The following TM9SF1 variants were observed in gnomAD, a reference collection of about 807,000 sequenced individuals.
TM9SF1 encodes the protein transmembrane 9 superfamily member 1, also known as MP70 protein family member.
TM9SF1 carries 25 observed loss-of-function variants against 52.4 expected under a neutral mutation model. The observed-to-expected ratio is 0.48, with a 90% CI of 0.35 to 0.67. The LOEUF (loss-of-function observed/expected upper bound fraction) is 0.67. Among genes scored for constraint, TM9SF1 ranks in the 30% least tolerant of loss-of-function variants. The probability of loss-of-function intolerance (pLI) is 0.01; values close to 1 mark genes in which losing one functional copy is unlikely to be tolerated. For synonymous variants in TM9SF1, 284 were observed against 299.8 expected, an observed-to-expected ratio of 0.95 and a Z score of 0.55; for missense variants, 604 against 780.3, an observed-to-expected ratio of 0.77 and a Z score of 2.69.
Position 24,192,112 on chromosome 14 carries a change from A to G in TM9SF1, c.1153+59T>C. The G allele has an allele frequency of 6.4e-7, 1 of 1,555,754 alleles. No individual in the cohort carries two copies. Among genetic ancestry groups the G allele is most frequent in the Non-Finnish European group, 8.9e-7 (1 of 1,128,032 alleles). Reference sequence around the variant, plus strand: ...CAGGTGTGAGCCACTGTGACCAGCCACAATGTGTTCTTCATTCCTAAGTCC... The same window carrying G: ...CAGGTGTGAGCCACTGTGACCAGCCGCAATGTGTTCTTCATTCCTAAGTCC... On this transcript the variant is annotated intron_variant, in intron 4 of 5. Transcript: ENST00000261789. The surrounding 1 kb of genome is among the most constrained non-coding windows in gnomAD (Gnocchi z 4.0).
Position 24,190,613 on chromosome 14 carries a change from A to G in TM9SF1, c.1194T>C (p.His398=), listed in dbSNP as rs1566648068. 1.9e-6 allele frequency: 3 copies of G among 1,614,078 alleles called. No individual in the cohort carries two copies. In the East Asian group the frequency reaches 6.7e-5, roughly 36 times the overall value. ...FLTWSVVNSV[H]WANGSTQALP... ...GAGCCTGTGTCGAACCATTGGCCCA[A>G]TGCACTGAGTTCACCACACTCCACG... The change falls in exon 5 of 6, where the codon CAT becomes CAC. Residue 398 remains histidine (H), a synonymous_variant. Transcript: ENST00000261789.
intron 4 of TM9SF1, among the ~76,000 whole-genome samples, 198 bp from the exon 5 acceptor site, chr14:24,190,851 G>GTTTT (rs150852398): frequency 4.6e-5 from 3 of 65,436 alleles, no homozygotes; most frequent in Non-Finnish European, 7.7e-5. Flanking sequence ...TTTGTTCTGT[G>GTTTT]TTTTTTTTTT....
In TM9SF1 at chr14:24,192,268, G is replaced by T; in HGVS notation, c.1056C>A (p.Thr352=). Residue 352 remains threonine (T), a synonymous_variant, in exon 4 of 6, where the codon ACC becomes ACA. Transcript: ENST00000261789. The surrounding 1 kb of genome is among the most constrained non-coding windows in gnomAD (Gnocchi z 4.0). The stretch of plus-strand genomic sequence containing the variant: ...TGGACACGTAGCCAGAGATGCAGCA[G>T]GTCAGGGCATACAACAAGATGGCTG... ...NSAAILLYAL[T]CCISGYVSSH... is the part of the protein sequence containing the mutation. 1 of 1,614,208 alleles carries T rather than the reference G, an allele frequency of 6.2e-7. No homozygotes were observed. The highest frequency in any genetic ancestry group is 8.5e-7 in the Non-Finnish European group (1 of 1,180,040).
chr14:24,194,777 T>C lies in TM9SF1; in HGVS notation c.243A>G (p.Glu81=), dbSNP rs1344599946. 6.2e-7 allele frequency: 1 copy of C among 1,614,236 alleles called. No homozygotes were observed. Among genetic ancestry groups the C allele is most frequent in the Non-Finnish European group, 8.5e-7 (1 of 1,180,036 alleles). ...CAGCCATTCGGTCCCCATCCAGCAC[T>C]TCACCCAGGCTAAGGCTTTTGTGAC... ...KIRHKSLSLG[E]VLDGDRMAES... The change falls in exon 2 of 6, where the codon GAA becomes GAG. Residue 81 remains glutamate (E), a synonymous_variant. Transcript: ENST00000261789.
At position 24,192,012 on chromosome 14, in the gene TM9SF1, A is replaced by G. The variant is rs2039329072; in HGVS notation, c.1153+159T>C. 1.4e-6 allele frequency: 1 copy of G among 709,376 alleles called. No homozygotes were observed. The highest frequency in any genetic ancestry group is 2.2e-5 in the Admixed American group (1 of 44,576). 43.9% of individuals were successfully genotyped at this position (709,376 alleles called of 1,614,324 possible). The stretch of plus-strand genomic sequence containing the variant: ...TTTGTTATAGAGAGAGGGTCTCACT[A>G]TGTTGTCTAGGCTTGTCTCAAACTT... On this transcript the variant is annotated intron_variant, in intron 4 of 5. Transcript: ENST00000261789. This position sits in a 1 kb window ranked among gnomAD's most constrained non-coding sequence, Gnocchi z 4.0.
Position 24,192,448 on chromosome 14 carries a change from G to C in TM9SF1, c.968-92C>G. 3 of 1,461,658 alleles carry C rather than the reference G, an allele frequency of 2.1e-6. No individual in the cohort carries two copies. Among genetic ancestry groups the C allele is most frequent in the Non-Finnish European group, 1.9e-6 (2 of 1,077,856 alleles). 90.5% of individuals were successfully genotyped at this position (1,461,658 alleles called of 1,614,324 possible). On this transcript the variant is annotated intron_variant, in intron 3 of 5. Coordinates refer to ENST00000261789, the MANE Select transcript of TM9SF1 (RefSeq NM_006405.7). This position sits in a 1 kb window ranked among gnomAD's most constrained non-coding sequence, Gnocchi z 4.0. ...ATCAGCCCCCCTTCTCCCAGACCCAGGGCCTCCAGCAAAACAATCTCCCCC... is the reference window on the plus strand; with the variant it reads ...ATCAGCCCCCCTTCTCCCAGACCCACGGCCTCCAGCAAAACAATCTCCCCC...
In TM9SF1 at chr14:24,192,467, C is replaced by T. The variant is rs2039336380; in HGVS notation, c.968-111G>A. ...GACCCAGGGCCTCCAGCAAAACAATCTCCCCCAGTTTTGCTATCCAGAAAA... is the reference window on the plus strand; with the variant it reads ...GACCCAGGGCCTCCAGCAAAACAATTTCCCCCAGTTTTGCTATCCAGAAAA... On this transcript the variant is annotated intron_variant, in intron 3 of 5. Coordinates refer to ENST00000261789, the MANE Select transcript of TM9SF1 (RefSeq NM_006405.7). This position sits in a 1 kb window ranked among gnomAD's most constrained non-coding sequence, Gnocchi z 4.0. 1 of 1,401,692 alleles carries T rather than the reference C, an allele frequency of 7.1e-7. No individual in the cohort carries two copies. The allele number at this position is 1,401,692 out of a possible 1,614,324, so 86.8% of individuals were successfully genotyped here.
At chr14:24,191,441 G>A (rs140134893) in intron 4 of TM9SF1, among the ~76,000 whole-genome samples, 4 of 152,336 alleles carry the variant, frequency 2.6e-5, no homozygotes, top group African/African-American at 9.6e-5. Context: ...CTTTGAAAGG[G>A]CAATCTGGTT....
chr14:24,190,993 G>A (rs2039315843), intron 4 of TM9SF1, among the ~76,000 whole-genome samples: 1 of 151,624 alleles, frequency 6.6e-6, no homozygotes, highest in African/African-American at 2.4e-5. Flanking sequence ...TCCCGAGTGA[G>A]TAGCTAGGAC....
At chr14:24,190,851 G>GTTTTTTT (rs150852398) in intron 4 of TM9SF1, among the ~76,000 whole-genome samples, 198 bp from the exon 5 acceptor site, 3 of 65,452 alleles carry the variant, frequency 4.6e-5, no homozygotes, top group Non-Finnish European at 7.7e-5. Context: ...TTTGTTCTGT[G>GTTTTTTT]TTTTTTTTTT....
intron 2 of TM9SF1, among the ~76,000 whole-genome samples, chr14:24,193,875 G>C (rs1456544256): frequency 6.6e-6 from 1 of 151,228 alleles, no homozygotes; most frequent in African/African-American, 2.4e-5. Flanking sequence ...AGCCGAGATT[G>C]CGCCACGGCA....
At chr14:24,189,933 C>CGAGTAAGGAGTAGCCGAAGA in intron 5 of TM9SF1, 125 bp from the exon 6 acceptor site, 1 of 1,426,542 alleles carries the variant, frequency 7.0e-7, no homozygotes. Flanking sequence ...GAGTTCACTC[C>CGAGTAAGGAGTAGCCGAAGA]ACTCTCTGCC....
At chr14:24,190,177 C>A in intron 5 of TM9SF1, 1 of 1,379,310 alleles carries the variant, frequency 7.3e-7, no homozygotes, top group Non-Finnish European at 9.3e-7. Flanking sequence ...GGGGAAATGT[C>A]TCCGGAGAGC....
intron 2 of TM9SF1, among the ~76,000 whole-genome samples, chr14:24,194,177 C>CA (rs1566650223): frequency 6.6e-6 from 1 of 151,964 alleles, no homozygotes; most frequent in Non-Finnish European, 1.5e-5. Flanking sequence ...TGAGATTCTC[C>CA]AAAAAAGAGC....
chr14:24,191,292 G>T (rs72694304), intron 4 of TM9SF1, among the ~76,000 whole-genome samples: 8,731 of 152,282 alleles, frequency 0.057, 498 homozygotes, highest in East Asian at 0.35. Context: ...CTTGGAGTTG[G>T]TAATTCCTAG....
At chr14:24,190,025 G>A (rs2039293135) in intron 5 of TM9SF1, 6 of 1,368,508 alleles carry the variant, frequency 4.4e-6, no homozygotes, top group Admixed American at 3.2e-5. Flanking sequence ...ATAGATTGAG[G>A]GCAGGGATCT....
chr14:24,190,987 G>A (rs1259669888), intron 4 of TM9SF1, among the ~76,000 whole-genome samples: 1 of 150,006 alleles, frequency 6.7e-6, no homozygotes, highest in East Asian at 2.0e-4. Flanking sequence ...TCAGCCTCCC[G>A]AGTGAGTAGC....
At chr14:24,195,155 C>G in intron 1 of TM9SF1, 119 bp from the exon 2 acceptor site, 2 of 655,948 alleles carry the variant, frequency 3.0e-6, no homozygotes, top group East Asian at 5.4e-5. Flanking sequence ...CCCCGCCTCA[C>G]CCTACCCCAC....
At chr14:24,195,102 C>G in intron 1 of TM9SF1, 66 bp from the exon 2 acceptor site, 1 of 1,149,406 alleles carries the variant, frequency 8.7e-7, no homozygotes, top group South Asian at 1.4e-5. Context: ...TCAGGTGCCT[C>G]GAACTGAGGT....
Sources: allele counts gnomAD v4.1 joint callset (sites outside exome capture counted in the v4.1 genomes callset), GRCh38; gene constraint gnomAD v4.1.1; non-coding constraint Gnocchi (gnomAD v3.1); transcripts MANE v1.5; gene names NCBI Gene and HGNC (gene_info 2026-07-23, HGNC 2026-07-21).